Variants in NRG1 observed in about 807,000 individuals in gnomAD.
The protein encoded by NRG1 is neuregulin 1.
Under a neutral mutation model 63.8 loss-of-function variants are expected in NRG1, and 18 were observed. That is an observed-to-expected ratio of 0.28 (90% confidence interval 0.19 to 0.42). The LOEUF is 0.42. Among genes scored for constraint, NRG1 ranks in the 10% least tolerant of loss-of-function variants. NRG1 has a pLI of 1.00. For missense variants in NRG1, 762 were observed against 814.7 expected (o/e 0.94, Z 0.79); for synonymous variants, 302 against 301.3 (o/e 1.00, Z -0.02).
chr8:31,746,868 G>T (rs1396817046), intron 1 of NRG1, among the ~76,000 whole-genome samples: 1 of 151,898 alleles, frequency 6.6e-6, no homozygotes, highest in East Asian at 1.9e-4. Context: ...AACATGGATG[G>T]AACTGGAGGC....
At chr8:32,443,131 T>G (rs1261869843) in intron 1 of NRG1, among the ~76,000 whole-genome samples, 1 of 152,006 alleles carries the variant, frequency 6.6e-6, no homozygotes, top group African/African-American at 2.4e-5. Context: ...TTTGTAGAGA[T>G]AGGATTTCCC....
At chr8:32,474,560 T>A (rs370867819) in intron 1 of NRG1, among the ~76,000 whole-genome samples, 136 of 151,788 alleles carry the variant, frequency 9.0e-4, no homozygotes, top group African/African-American at 3.2e-3. Flanking sequence ...TGGCACCATC[T>A]TGGCTCACTG....
intron 1 of NRG1, among the ~76,000 whole-genome samples, chr8:32,150,069 A>G (rs1161605258): frequency 6.6e-6 from 1 of 152,220 alleles, no homozygotes; most frequent in Non-Finnish European, 1.5e-5. Flanking sequence ...TTTGCTTATA[A>G]GAAGGCACCC....
At chr8:31,687,598 AT>A (rs1394149575) in intron 1 of NRG1, among the ~76,000 whole-genome samples, 7 of 152,142 alleles carry the variant, frequency 4.6e-5, no homozygotes, top group Admixed American at 3.3e-4. Flanking sequence ...TATAATGAAG[AT>A]GTAAAACTTT....
chr8:31,705,026 G>GT (rs763300977), intron 1 of NRG1, among the ~76,000 whole-genome samples: 44 of 151,400 alleles, frequency 2.9e-4, no homozygotes, highest in Non-Finnish European at 7.4e-5. Flanking sequence ...GGAGAGCAAG[G>GT]TTTTTTTGTT....
At chr8:32,754,308 G>A in intron 7 of NRG1, 64 bp from the exon 8 acceptor site, 2 of 1,377,716 alleles carry the variant, frequency 1.5e-6, no homozygotes, top group Non-Finnish European at 2.1e-6. Context: ...CCCACTGTTT[G>A]GTTGTAGTCA....
chr8:32,745,505 G>A (rs1047651524), intron 7 of NRG1, among the ~76,000 whole-genome samples: 6 of 152,044 alleles, frequency 3.9e-5, no homozygotes, highest in Non-Finnish European at 5.9e-5. Context: ...ATGAAAGAGA[G>A]GGACAAATGT....
chr8:31,707,074 G>A (rs775772740), intron 1 of NRG1, among the ~76,000 whole-genome samples: 1 of 151,290 alleles, frequency 6.6e-6, no homozygotes, highest in Non-Finnish European at 1.5e-5. Flanking sequence ...ATTTTTCTTC[G>A]TGGCTTCTGG....
Position 32,344,350 on chromosome 8 carries a change from C to CTT in NRG1, c.38-251476_38-251475dup, listed in dbSNP as rs368801167. Reference sequence around the variant, plus strand: ...TCTTTCTTTCTTTCTTTCTTTCTTTCTTTCTTTCTTTCTTTCTTTCTTTCT... The same window carrying CTT: ...TCTTTCTTTCTTTCTTTCTTTCTTTCTTTTTCTTTCTTTCTTTCTTTCTTTCT... On this transcript the variant is annotated intron_variant, in intron 1 of 10. Transcript: ENST00000519301. Among the ~76,000 whole-genome samples, 8 of 61,764 alleles carry CTT rather than the reference C, an allele frequency of 1.3e-4. 1 individual carries two copies. Among genetic ancestry groups the CTT allele is most frequent in the East Asian group, 1.5e-3 (1 of 680 alleles). The allele number at this position is 61,764 out of a possible 152,430, so 40.5% of individuals were successfully genotyped here. A position where few individuals can be genotyped will look rare whatever the true frequency, so the allele number is the denominator to read the frequency against.
At chr8:32,365,048 T>C (rs1316479264) in intron 1 of NRG1, among the ~76,000 whole-genome samples, 2 of 145,724 alleles carry the variant, frequency 1.4e-5, no homozygotes, top group Non-Finnish European at 3.0e-5. Context: ...TGCCTTGACC[T>C]CCAGGGCTCA....
intron 1 of NRG1, among the ~76,000 whole-genome samples, chr8:32,590,817 A>C (rs1172708463): frequency 6.6e-6 from 1 of 152,116 alleles, no homozygotes; most frequent in African/African-American, 2.4e-5. Context: ...TGGATAGATG[A>C]AAAAAAGTCA....
intron 1 of NRG1, among the ~76,000 whole-genome samples, chr8:31,957,571 C>T (rs1047987194): frequency 6.7e-6 from 1 of 149,000 alleles, no homozygotes; most frequent in African/African-American, 2.6e-5. Context: ...AAAGTAATTT[C>T]ATCCAAAACT....
intron 1 of NRG1, among the ~76,000 whole-genome samples, chr8:31,885,791 T>G (rs1408449308): frequency 6.6e-6 from 1 of 152,116 alleles, no homozygotes; most frequent in Non-Finnish European, 1.5e-5. Flanking sequence ...TGCAGTGTAT[T>G]AGAAGAAATA....
exon 12 of NRG1, chr8:32,764,413 A>G (rs1831252811): frequency 6.5e-7 from 1 of 1,534,032 alleles, no homozygotes; most frequent in African/African-American, 1.4e-5. Context: ...AACCTAAATA[A>G]ACACATAGAT....
chr8:31,741,219 G>A (rs1268566962), intron 1 of NRG1, among the ~76,000 whole-genome samples: 1 of 151,892 alleles, frequency 6.6e-6, no homozygotes, highest in Non-Finnish European at 1.5e-5. Flanking sequence ...GACCCTTAGG[G>A]GCAGGAGGGA....
At chr8:31,848,490 G>T (rs963451592) in intron 1 of NRG1, among the ~76,000 whole-genome samples, 6 of 151,932 alleles carry the variant, frequency 3.9e-5, no homozygotes, top group African/African-American at 1.5e-4. Flanking sequence ...TTTATACAAG[G>T]GTCCACAACC....
intron 1 of NRG1, among the ~76,000 whole-genome samples, chr8:32,310,363 A>G (rs1856680768): frequency 1.3e-5 from 2 of 152,186 alleles, no homozygotes; most frequent in African/African-American, 4.8e-5. Context: ...ACAGTGTTGA[A>G]TCATGTTGCT....
chr8:32,049,972 C>G (rs2091109223), intron 1 of NRG1, among the ~76,000 whole-genome samples: 1 of 152,028 alleles, frequency 6.6e-6, no homozygotes, highest in Admixed American at 6.6e-5. Flanking sequence ...TTACATTCAT[C>G]CTAGAGAGAA....
chr8:32,518,009 T>G (rs1262423094), intron 1 of NRG1, among the ~76,000 whole-genome samples: 1 of 152,112 alleles, frequency 6.6e-6, no homozygotes, highest in Non-Finnish European at 1.5e-5. Context: ...AATGCTGTGT[T>G]GTTTAAAAGC....
Sources: allele counts gnomAD v4.1 joint callset (sites outside exome capture counted in the v4.1 genomes callset), GRCh38; gene constraint gnomAD v4.1.1; transcripts MANE v1.5; gene names NCBI Gene and HGNC (gene_info 2026-07-23, HGNC 2026-07-21).